DIP2A: variants seen among roughly 807,000 people sequenced by gnomAD.
DIP2A encodes DIP2 acetate--CoA ligase A, also known as disco-interacting protein 2 homolog A.
Under a neutral mutation model 177.4 loss-of-function variants are expected in DIP2A, and 85 were observed. The ratio of observed to expected loss-of-function variants is 0.48; its 90% CI spans 0.40 to 0.57. The LOEUF is 0.57. DIP2A is among the 20% of genes least tolerant of loss of function. The probability of loss-of-function intolerance (pLI) is 0.00; values close to 1 mark genes in which losing one functional copy is unlikely to be tolerated. For synonymous variants in DIP2A, 886 were observed against 881.8 expected (o/e 1.00, Z -0.08); for missense variants, 1,791 against 2,100.2 (o/e 0.85, Z 2.88).
At chr21:46,539,397 C>T (rs1191170937) in intron 16 of DIP2A, 1 of 203,072 alleles carries the variant, frequency 4.9e-6, no homozygotes, top group Non-Finnish European at 1.0e-5. Context: ...CCCAGAGCCT[C>T]TCATTCTCTT....
chr21:46,499,186 T>G (rs1023361788), intron 5 of DIP2A, among the ~76,000 whole-genome samples: 4 of 152,236 alleles, frequency 2.6e-5, no homozygotes, highest in Admixed American at 6.5e-5. Context: ...GGAAATGTCC[T>G]TTTGGTAACA....
At chr21:46,462,018 A>G (rs1422004053) in intron 1 of DIP2A, among the ~76,000 whole-genome samples, 1 of 152,110 alleles carries the variant, frequency 6.6e-6, no homozygotes, top group Non-Finnish European at 1.5e-5. Context: ...ACTGCATTCC[A>G]GCCTGGGAGA....
chr21:46,521,658 T>C (rs193003423), intron 8 of DIP2A, among the ~76,000 whole-genome samples: 1 of 152,370 alleles, frequency 6.6e-6, no homozygotes, highest in African/African-American at 2.4e-5. Context: ...CCCTTTACAC[T>C]TTTTGTTAAA....
intron 34 of DIP2A, among the ~76,000 whole-genome samples, chr21:46,562,261 G>A (rs1000020843): frequency 5.3e-5 from 8 of 152,304 alleles, no homozygotes; most frequent in Middle Eastern, 3.4e-3. Flanking sequence ...GAGATGGCCC[G>A]AGGACTCCCA....
At position 46,532,248 on chromosome 21, in the gene DIP2A, C is replaced by T. The variant is rs2059384732; in HGVS notation, c.1305+11C>T. 2 of 1,609,966 alleles carry T rather than the reference C, an allele frequency of 1.2e-6. No homozygotes were observed. Among genetic ancestry groups the T allele is most frequent in the South Asian group, 1.1e-5 (1 of 90,856 alleles). On this transcript the variant is annotated intron_variant, in intron 10 of 37. Transcript: ENST00000417564. ...CCATTAACAAGAAAGGTAGCAAACC[C>T]ATGGCTCAGGTCCCGTGTGGTTCGC... is the stretch of plus-strand genomic sequence containing the variant.
At chr21:46,521,754 T>C (rs968696637) in intron 8 of DIP2A, among the ~76,000 whole-genome samples, 1 of 152,234 alleles carries the variant, frequency 6.6e-6, no homozygotes, top group African/African-American at 2.4e-5. Context: ...CCTTTAACTT[T>C]AGGCCAGTGT....
rs1383135638 is a variant in DIP2A, at chr21:46,569,141, G to T, written c.*1519G>T. ...GTTGGGTTTTTGGGGTATTGAGGGT[G>T]GCAAATTTTGTGAATCATGCATGCT... On this transcript the variant is annotated 3_prime_UTR_variant, in exon 38 of 38. Transcript: ENST00000417564. 6.6e-6 allele frequency: 1 copy of T among 152,140 alleles called. No homozygotes were observed. The highest frequency in any genetic ancestry group is 6.5e-5 in the Admixed American group (1 of 15,270). The allele number at this position is 152,140 out of a possible 1,614,324, so 9.4% of individuals were successfully genotyped here. A position where few individuals can be genotyped will look rare whatever the true frequency, so the allele number is the denominator to read the frequency against.
At chr21:46,527,442 C>T (rs373252597) in intron 8 of DIP2A, among the ~76,000 whole-genome samples, 5 of 151,188 alleles carry the variant, frequency 3.3e-5, no homozygotes, top group African/African-American at 7.3e-5. Context: ...TCTCCTGCCT[C>T]GGCCTCCTGA....
At chr21:46,525,208 CTT>C (rs2059022926) in intron 8 of DIP2A, among the ~76,000 whole-genome samples, 2 of 151,666 alleles carry the variant, frequency 1.3e-5, no homozygotes, top group African/African-American at 4.8e-5. Context: ...TTTATGTTCT[CTT>C]TAAGTACTGT....
chr21:46,541,814 AGTTATG>A lies in DIP2A; in HGVS notation c.2098_2103del (p.Tyr700_Gly701del). 6.2e-7 allele frequency: 1 copy of A among 1,613,984 alleles called. No homozygotes were observed. Among genetic ancestry groups the A allele is most frequent in the Non-Finnish European group, 8.5e-7 (1 of 1,179,888 alleles). On this transcript the variant is annotated inframe_deletion, in exon 18 of 38. Transcript: ENST00000417564. ...AGCAGTCCTGTCGATGAACGGTCTA[AGTTATG>A]GTGTTATCAGAGTGGATACTGAAGA...
At chr21:46,539,596 G>A (rs770442428) in intron 16 of DIP2A, 13 of 448,784 alleles carry the variant, frequency 2.9e-5, no homozygotes, top group Non-Finnish European at 4.6e-5. Flanking sequence ...GTGCCGTGCA[G>A]CTTGTCTCCC....
At chr21:46,459,938 T>C (rs1483881595) in intron 1 of DIP2A, among the ~76,000 whole-genome samples, 1 of 152,176 alleles carries the variant, frequency 6.6e-6, no homozygotes, top group African/African-American at 2.4e-5. Flanking sequence ...TTCTCAAGGC[T>C]GTAGGTCTGG....
At chr21:46,540,129 C>T (rs1569071134) in intron 17 of DIP2A, 138 bp downstream of exon 17, 4 of 680,224 alleles carry the variant, frequency 5.9e-6, no homozygotes, top group Non-Finnish European at 1.0e-5. Context: ...TGGCCCCCCA[C>T]ATTTTGCCGG....
At chr21:46,527,018 T>C (rs1427417803) in intron 8 of DIP2A, among the ~76,000 whole-genome samples, 2 of 152,220 alleles carry the variant, frequency 1.3e-5, no homozygotes, top group African/African-American at 2.4e-5. Context: ...TTTCCTTTTA[T>C]TCTGAGTTTA....
At position 46,498,982 on chromosome 21, in the gene DIP2A, C is replaced by A; in HGVS notation, c.655+149C>A. 9.4e-7 allele frequency: 1 copy of A among 1,064,008 alleles called. No individual in the cohort carries two copies. The highest frequency in any genetic ancestry group is 1.3e-6 in the Non-Finnish European group (1 of 764,400). 65.9% of individuals were successfully genotyped at this position (1,064,008 alleles called of 1,614,324 possible). A position where few individuals can be genotyped will look rare whatever the true frequency, so the allele number is the denominator to read the frequency against. On this transcript the variant is annotated intron_variant, in intron 5 of 37. Transcript: ENST00000417564. This position sits in a 1 kb window ranked among gnomAD's most constrained non-coding sequence, Gnocchi z 4.3. ...TGCTCTCCAAGTGACTGAGGTCACA[C>A]AACCCAGATAACCCATACTGGCTTA...
Position 46,554,681 on chromosome 21 carries a change from C to G in DIP2A, c.3261C>G (p.Val1087=), listed in dbSNP as rs1168643703. ...ACCTCGGCACCACACTGCCCACCGT[C>G]AAGATGATCGTGGAGGTGCGCCTAC... The part of the protein sequence containing the change: ...PQNLGTTLPT[V]KMIVEVSKSA... Residue 1087 remains valine, a synonymous_variant, in exon 27 of 38, where the codon GTC becomes GTG. Transcript: ENST00000417564. 28 of 1,571,708 alleles carry G rather than the reference C, an allele frequency of 1.8e-5. No homozygotes were observed. Among genetic ancestry groups the G allele is most frequent in the Non-Finnish European group, 2.4e-5 (28 of 1,159,420 alleles).
intron 1 of DIP2A, among the ~76,000 whole-genome samples, chr21:46,476,256 AT>A (rs1324061275): frequency 2.7e-5 from 4 of 148,366 alleles, no homozygotes; most frequent in East Asian, 2.0e-4. Flanking sequence ...AAAAAAAAAA[AT>A]TATGATGATT....
intron 1 of DIP2A, among the ~76,000 whole-genome samples, chr21:46,473,605 T>C (rs1465357237): frequency 6.6e-6 from 1 of 152,176 alleles, no homozygotes; most frequent in Non-Finnish European, 1.5e-5. Flanking sequence ...AACCTCCGCC[T>C]CCTGGGTTCA....
downstream of DIP2A, among the ~76,000 whole-genome samples, chr21:46,573,645 C>CAAAAAAAAAAAAAAAAAAAAAAAAAAAAA (rs201994694): frequency 1.5e-4 from 8 of 52,978 alleles, no homozygotes; most frequent in Admixed American, 2.5e-4. Context: ...CCCTCTCTCA[C>CAAAAAAAAAAAAAAAAAAAAAAAAAAAAA]AAAAAAAAAA....
Sources: gnomAD v4.1 joint callset for allele counts (sites outside exome capture counted in the v4.1 genomes callset) on GRCh38, gnomAD v4.1.1 for gene constraint, Gnocchi (gnomAD v3.1) non-coding constraint, MANE v1.5 for transcripts, NCBI Gene and HGNC (gene_info 2026-07-23, HGNC 2026-07-21) for gene names.